The following EVA1A variants were observed in gnomAD, a reference collection of about 807,000 sequenced individuals.
EVA1A encodes protein eva-1 homolog A.
EVA1A carries 7 observed loss-of-function variants against 9.8 expected under a neutral mutation model. The ratio of observed to expected loss-of-function variants is 0.71; its 90% CI spans 0.41 to 1.34. The LOEUF (loss-of-function observed/expected upper bound fraction) is 1.34, where lower values mean the gene tolerates loss of function less well. EVA1A is among the 40% of genes most tolerant of loss of function. The pLI, the probability that EVA1A is intolerant of heterozygous loss-of-function variation, is 0.01. For synonymous variants in EVA1A, 90 were observed against 85.6 expected, an observed-to-expected ratio of 1.05 and a Z score of -0.28; for missense variants, 206 against 205.9, an observed-to-expected ratio of 1.00 and a Z score of 0.00.
chr2:75,524,377 A>T (rs1215409175), intron 1 of EVA1A, among the ~76,000 whole-genome samples: 2 of 151,674 alleles, frequency 1.3e-5, no homozygotes, highest in Non-Finnish European at 2.9e-5. Context: ...TCCTAGATTC[A>T]TCTTTTCTCT....
At chr2:75,532,254 TAAAG>T (rs1373753285) in intron 1 of EVA1A, among the ~76,000 whole-genome samples, 3 of 121,744 alleles carry the variant, frequency 2.5e-5, no homozygotes, top group Non-Finnish European at 5.5e-5. Context: ...CATTTTAAAA[TAAAG>T]AAAGGACAGG....
chr2:75,499,010 A>G (rs1174845704), intron 3 of EVA1A, among the ~76,000 whole-genome samples: 1 of 152,222 alleles, frequency 6.6e-6, no homozygotes, highest in Non-Finnish European at 1.5e-5. Context: ...CCTGATTATA[A>G]TTAACATGCA....
chr2:75,532,229 G>A (rs566578265), intron 1 of EVA1A, among the ~76,000 whole-genome samples: 1 of 138,046 alleles, frequency 7.2e-6, no homozygotes, highest in South Asian at 2.4e-4. Context: ...CCCCAAAAAC[G>A]ATTGAAATAA....
chr2:75,546,927 A>C (rs1283175796), intron 1 of EVA1A, among the ~76,000 whole-genome samples: 7 of 150,500 alleles, frequency 4.7e-5, no homozygotes, highest in African/African-American at 9.8e-5. Flanking sequence ...AAAAAAAAAA[A>C]CACCTAAGGC....
upstream of EVA1A, among the ~76,000 whole-genome samples, chr2:75,561,530 T>C (rs1036762287): frequency 6.6e-6 from 1 of 152,110 alleles, no homozygotes; most frequent in Non-Finnish European, 1.5e-5. Context: ...AAGTATTTTA[T>C]TGAGAGTGAT....
chr2:75,519,200 C>A (rs571987918), intron 2 of EVA1A, among the ~76,000 whole-genome samples: 1 of 152,286 alleles, frequency 6.6e-6, no homozygotes, highest in African/African-American at 2.4e-5. Context: ...TGGCAGAGAC[C>A]CAATTCGATG....
intron 1 of EVA1A, among the ~76,000 whole-genome samples, chr2:75,551,791 A>G (rs1305235074): frequency 6.6e-6 from 1 of 152,166 alleles, no homozygotes; most frequent in Non-Finnish European, 1.5e-5. Flanking sequence ...TACAGTACAC[A>G]CTCAATAAAC....
rs1321878232 is a variant in EVA1A, at chr2:75,546,805, C to T, written c.-192+13875G>A. On this transcript the variant is annotated intron_variant, in intron 1 of 3. Transcript: ENST00000393913. ...AAGACAAAGGCATTAGGGCGGGCCT[C>T]AACCCAATATAACTGGTGTTCTTAT... 2.7e-5 allele frequency among the ~76,000 whole-genome samples: 4 copies of T among 149,548 alleles called. No individual in the cohort carries two copies. The South Asian group carries it at 6.3e-4, about 24-fold the overall frequency.
At chr2:75,552,507 T>C (rs1377124655) in intron 1 of EVA1A, among the ~76,000 whole-genome samples, 1 of 152,212 alleles carries the variant, frequency 6.6e-6, no homozygotes, top group Non-Finnish European at 1.5e-5. Context: ...CCAAAGGCTT[T>C]CTTGAGTCTG....
At chr2:75,493,818 C>T (rs1223004072) in intron 3 of EVA1A, among the ~76,000 whole-genome samples, 2 of 152,190 alleles carry the variant, frequency 1.3e-5, no homozygotes, top group Non-Finnish European at 2.9e-5. Flanking sequence ...AATTCTTTCA[C>T]TCTTCTTGCA....
At chr2:75,509,153 T>C (rs1674723305) in intron 3 of EVA1A, among the ~76,000 whole-genome samples, 1 of 152,208 alleles carries the variant, frequency 6.6e-6, no homozygotes, top group African/African-American at 2.4e-5. Flanking sequence ...TCAGTAAATT[T>C]ACCTTGAATT....
In EVA1A at chr2:75,568,551, C is replaced by A. The variant is rs568507941; in HGVS notation, c.-192+925G>T. On this transcript the variant is annotated intron_variant, in intron 1 of 3. Coordinates refer to the EVA1A transcript ENST00000233712. Reference sequence around the variant, plus strand: ...AGTAGTGATTTCTGAGATGTTAGTGCACCTGTCACCCGGGCAGTATACGCT... The same window carrying A: ...AGTAGTGATTTCTGAGATGTTAGTGAACCTGTCACCCGGGCAGTATACGCT... 3.0e-4 allele frequency among the ~76,000 whole-genome samples: 45 copies of A among 151,984 alleles called. 1 individual carries two copies. In the South Asian group the frequency reaches 4.2e-3, roughly 14 times the overall value.
At chr2:75,563,020 C>T (rs1198618437), upstream of EVA1A, among the ~76,000 whole-genome samples, 1 of 152,238 alleles carries the variant, frequency 6.6e-6, no homozygotes, top group African/African-American at 2.4e-5. Context: ...CCTGGAAGCA[C>T]TCTGACCCAA....
intron 3 of EVA1A, among the ~76,000 whole-genome samples, chr2:75,506,247 G>C (rs1349860477): frequency 6.6e-6 from 1 of 151,818 alleles, no homozygotes; most frequent in Non-Finnish European, 1.5e-5. Flanking sequence ...TTCCTTTTTT[G>C]CTTGTTGTTT....
At chr2:75,558,394 C>T (rs1480655267) in intron 1 of EVA1A, 1 of 152,116 alleles carries the variant, frequency 6.6e-6, no homozygotes, top group Admixed American at 6.5e-5. Flanking sequence ...AGAAGCCTGA[C>T]GCCAAAGCCT....
chr2:75,538,525 T>G (rs192913279), intron 1 of EVA1A, among the ~76,000 whole-genome samples: 2 of 152,234 alleles, frequency 1.3e-5, no homozygotes, highest in Non-Finnish European at 1.5e-5. Flanking sequence ...TGCAACTTTT[T>G]GGGACTGGGT....
At position 75,527,532 on chromosome 2, in the gene EVA1A, C is replaced by T. The variant is rs73938947; in HGVS notation, c.-191-5045G>A. On this transcript the variant is annotated intron_variant, in intron 1 of 3. Transcript: ENST00000393913. ...ACCACATGGGATCCAGAACTCCCATCCCCATCCAGCAGTAAGGAGGAGTCA... is the reference window on the plus strand; with the variant it reads ...ACCACATGGGATCCAGAACTCCCATTCCCATCCAGCAGTAAGGAGGAGTCA... Among the ~76,000 whole-genome samples, 1,423 of 152,320 alleles carry T rather than the reference C, an allele frequency of 9.3e-3. 22 individuals carry two copies. The highest frequency in any genetic ancestry group is 0.033 in the African/African-American group (1,357 of 41,574).
At chr2:75,510,523 G>C (rs1674773739) in intron 3 of EVA1A, among the ~76,000 whole-genome samples, 1 of 152,154 alleles carries the variant, frequency 6.6e-6, no homozygotes, top group Non-Finnish European at 1.5e-5. Flanking sequence ...ACTGTTGAGA[G>C]ACTGCCTCCC....
At chr2:75,563,887 G>A (rs1676971995), upstream of EVA1A, among the ~76,000 whole-genome samples, 1 of 152,174 alleles carries the variant, frequency 6.6e-6, no homozygotes, top group Admixed American at 6.5e-5. Flanking sequence ...AGGCTGAGAG[G>A]AGATGAGGAG....
Sources: allele counts gnomAD v4.1 joint callset (sites outside exome capture counted in the v4.1 genomes callset), GRCh38; gene constraint gnomAD v4.1.1; transcripts MANE v1.5; gene names NCBI Gene and HGNC (gene_info 2026-07-23, HGNC 2026-07-21).